SEMA6D: variants seen among roughly 807,000 people sequenced by gnomAD.
SEMA6D encodes semaphorin 6D, also known as semaphorin-6D.
A neutral mutation model predicts 106.6 loss-of-function variants in SEMA6D; 35 were observed. The ratio of observed to expected loss-of-function variants is 0.33; its 90% CI spans 0.25 to 0.44. The LOEUF is 0.44. Ranked by LOEUF, SEMA6D falls within the 20% of genes least tolerant of loss-of-function variation. The probability of loss-of-function intolerance (pLI) is 1.00; values close to 1 mark genes in which losing one functional copy is unlikely to be tolerated. For synonymous variants in SEMA6D, 499 were observed against 487.7 expected (o/e 1.02, Z -0.31); for missense variants, 1,185 against 1,345.9 (o/e 0.88, Z 1.87).
chr15:47,642,166 T>C (rs1236035191), intron 4 of SEMA6D, among the ~76,000 whole-genome samples: 1 of 152,222 alleles, frequency 6.6e-6, no homozygotes, highest in Non-Finnish European at 1.5e-5. Context: ...GGCCATTACT[T>C]TTTGGTACAG....
chr15:47,484,113 G>A (rs1396566560), intron 3 of SEMA6D, among the ~76,000 whole-genome samples: 2 of 152,164 alleles, frequency 1.3e-5, no homozygotes, highest in Non-Finnish European at 1.5e-5. Flanking sequence ...TTCCCACACA[G>A]GAGGGCTCCC....
intron 4 of SEMA6D, among the ~76,000 whole-genome samples, chr15:47,627,735 G>A (rs1025117886): frequency 6.6e-6 from 1 of 152,008 alleles, no homozygotes; most frequent in Admixed American, 6.6e-5. Flanking sequence ...TCTTACAAAA[G>A]TATAATGCAA....
intron 1 of SEMA6D, among the ~76,000 whole-genome samples, chr15:47,237,198 T>A (rs1005520043): frequency 6.6e-6 from 1 of 152,184 alleles, no homozygotes; most frequent in African/African-American, 2.4e-5. Context: ...CATACTTATT[T>A]TGGACTGCCA....
At chr15:47,625,172 G>C (rs915454686) in intron 4 of SEMA6D, among the ~76,000 whole-genome samples, 1 of 152,000 alleles carries the variant, frequency 6.6e-6, no homozygotes, top group African/African-American at 2.4e-5. Context: ...GATTTTTTGG[G>C]GGGAGAAAAC....
chr15:47,381,677 T>G (rs1472273591), intron 1 of SEMA6D, among the ~76,000 whole-genome samples: 1 of 152,200 alleles, frequency 6.6e-6, no homozygotes, highest in South Asian at 2.1e-4. Context: ...AAATAACAGT[T>G]GTGACCCAAC....
At chr15:47,363,960 C>T (rs2038911537) in intron 1 of SEMA6D, among the ~76,000 whole-genome samples, 1 of 152,108 alleles carries the variant, frequency 6.6e-6, no homozygotes, top group South Asian at 2.1e-4. Flanking sequence ...CATCAGCTCT[C>T]CTGAGAACTC....
intron 9 of SEMA6D, among the ~76,000 whole-genome samples, 181 bp downstream of exon 9, chr15:47,763,285 T>C (rs1039120845): frequency 1.3e-5 from 2 of 152,140 alleles, no homozygotes; most frequent in African/African-American, 4.8e-5. Flanking sequence ...ATCTGAACAA[T>C]AACCTGAGTG....
At chr15:47,572,042 A>G (rs1313446575) in intron 3 of SEMA6D, among the ~76,000 whole-genome samples, 1 of 152,220 alleles carries the variant, frequency 6.6e-6, no homozygotes, top group East Asian at 1.9e-4. Flanking sequence ...TCAGATCAAC[A>G]TCACTTCTGA....
intron 1 of SEMA6D, among the ~76,000 whole-genome samples, chr15:47,280,109 T>C (rs1234196438): frequency 6.6e-6 from 1 of 152,004 alleles, no homozygotes; most frequent in African/African-American, 2.4e-5. Context: ...ATGGTACCAG[T>C]TCCTCCTTGT....
chr15:47,343,039 A>G (rs2037885370), intron 1 of SEMA6D, among the ~76,000 whole-genome samples: 1 of 152,060 alleles, frequency 6.6e-6, no homozygotes, highest in South Asian at 2.1e-4. Flanking sequence ...GACATCTAAT[A>G]TGTTTGCTTC....
intron 1 of SEMA6D, among the ~76,000 whole-genome samples, chr15:47,316,679 A>C (rs2036696535): frequency 7.0e-6 from 1 of 143,792 alleles, no homozygotes; most frequent in South Asian, 2.2e-4. Flanking sequence ...TGATATGGTC[A>C]TTGATTTCTT....
At chr15:47,351,373 C>A (rs916874417) in intron 1 of SEMA6D, among the ~76,000 whole-genome samples, 1 of 152,100 alleles carries the variant, frequency 6.6e-6, no homozygotes, top group Non-Finnish European at 1.5e-5. Context: ...TGCATCGTCT[C>A]ATTTTGTGAT....
intron 4 of SEMA6D, among the ~76,000 whole-genome samples, chr15:47,662,566 A>G (rs1300464838): frequency 6.6e-6 from 1 of 152,182 alleles, no homozygotes; most frequent in Non-Finnish European, 1.5e-5. Context: ...GGAGACCTAA[A>G]TGTGTCCAAA....
intron 1 of SEMA6D, among the ~76,000 whole-genome samples, chr15:47,194,855 G>A (rs112982033): frequency 7.2e-5 from 11 of 152,190 alleles, no homozygotes; most frequent in African/African-American, 2.4e-4. Context: ...TATCATAAAA[G>A]TATAAAGGCC....
At chr15:47,303,984 A>C (rs2036125720) in intron 1 of SEMA6D, among the ~76,000 whole-genome samples, 1 of 152,158 alleles carries the variant, frequency 6.6e-6, no homozygotes, top group Admixed American at 6.5e-5. Context: ...ACGGATAACT[A>C]CATAGGTTAC....
At chr15:47,216,737 G>A (rs1054521764) in intron 1 of SEMA6D, among the ~76,000 whole-genome samples, 1 of 151,886 alleles carries the variant, frequency 6.6e-6, no homozygotes, top group African/African-American at 2.4e-5. Context: ...ATTCACATAA[G>A]TTCAAATGAC....
At chr15:47,217,839 C>T (rs1488740590) in intron 1 of SEMA6D, among the ~76,000 whole-genome samples, 1 of 148,246 alleles carries the variant, frequency 6.7e-6, no homozygotes, top group African/African-American at 2.5e-5. Context: ...CATGCATATA[C>T]ACACACCCCT....
intron 2 of SEMA6D, among the ~76,000 whole-genome samples, chr15:47,458,841 A>G (rs1049596616): frequency 2.0e-5 from 3 of 152,046 alleles, no homozygotes; most frequent in Non-Finnish European, 4.4e-5. Flanking sequence ...AGTAAGCAAA[A>G]GAAATAAAGC....
At chr15:47,233,464 C>T (rs12591287) in intron 1 of SEMA6D, among the ~76,000 whole-genome samples, 10,311 of 151,996 alleles carry the variant, frequency 0.068, 1,286 homozygotes, top group East Asian at 0.6. Flanking sequence ...TGCCAATTTA[C>T]GCAAAACAGC....
Sources: allele counts gnomAD v4.1 joint callset (sites outside exome capture counted in the v4.1 genomes callset), GRCh38; gene constraint gnomAD v4.1.1; transcripts MANE v1.5; gene names NCBI Gene and HGNC (gene_info 2026-07-23, HGNC 2026-07-21).